OPCML: variants seen among roughly 807,000 people sequenced by gnomAD.
OPCML encodes opioid binding protein/cell adhesion molecule like.
A neutral mutation model predicts 37.8 loss-of-function variants in OPCML; 13 were observed. The ratio of observed to expected loss-of-function variants is 0.34; its 90% CI spans 0.22 to 0.55. The LOEUF (loss-of-function observed/expected upper bound fraction) is 0.55, where lower values mean the gene tolerates loss of function less well. OPCML is among the 20% of genes least tolerant of loss of function. The pLI is 0.91. For missense variants in OPCML, 341 were observed against 435.6 expected, an observed-to-expected ratio of 0.78 and a Z score of 1.93; for synonymous variants, 176 against 168.8, an observed-to-expected ratio of 1.04 and a Z score of -0.33.
chr11:132,996,835 A>G (rs1946897674), intron 1 of OPCML, among the ~76,000 whole-genome samples: 2 of 152,158 alleles, frequency 1.3e-5, no homozygotes. Context: ...GATGTCTATT[A>G]TTTTAAACAT....
chr11:133,416,362 T>C (rs1565622754), intron 1 of OPCML, among the ~76,000 whole-genome samples: 1 of 152,190 alleles, frequency 6.6e-6, no homozygotes, highest in East Asian at 1.9e-4. Context: ...CTGTATAACT[T>C]CCCTTTTCTC....
intron 4 of OPCML, among the ~76,000 whole-genome samples, chr11:132,465,757 C>A (rs976382590): frequency 7.9e-5 from 12 of 152,114 alleles, no homozygotes; most frequent in African/African-American, 2.9e-4. Context: ...AAGTTATTCC[C>A]AAACTCACAC....
intron 1 of OPCML, among the ~76,000 whole-genome samples, chr11:133,294,815 C>CTTT (rs59382534): frequency 2.6e-3 from 149 of 56,518 alleles, no homozygotes; most frequent in African/African-American, 4.2e-3. Flanking sequence ...TTCTTTCTTT[C>CTTT]TTTTTTTTTT....
chr11:132,943,223 G>A lies in OPCML; in HGVS notation c.62-213C>T. ...AGAGTTCGCCAGGAGCAGGGGGAAG[G>A]AGAAGAGAGGAGTCCGGGCTCTCCG... On this transcript the variant is annotated intron_variant, in intron 1 of 7. Coordinates refer to ENST00000524381, the MANE Select transcript of OPCML (RefSeq NM_001012393.5). The surrounding 1 kb of genome is among the most constrained non-coding windows in gnomAD (Gnocchi z 4.3). 3.0e-6 allele frequency: 4 copies of A among 1,325,644 alleles called. No individual in the cohort carries two copies. The highest frequency in any genetic ancestry group is 4.2e-6 in the Non-Finnish European group (4 of 963,214). 82.1% of individuals were successfully genotyped at this position (1,325,644 alleles called of 1,614,324 possible).
chr11:132,886,438 A>G (rs950806542), intron 2 of OPCML, among the ~76,000 whole-genome samples: 1 of 152,124 alleles, frequency 6.6e-6, no homozygotes, highest in Non-Finnish European at 1.5e-5. Flanking sequence ...AGTGTGCACA[A>G]TGGCTTCTTC....
intron 4 of OPCML, among the ~76,000 whole-genome samples, chr11:132,481,222 A>G (rs1249749069): frequency 6.6e-6 from 1 of 152,188 alleles, no homozygotes. Flanking sequence ...AAAGGGATGG[A>G]GGAAGATCTA....
intron 1 of OPCML, among the ~76,000 whole-genome samples, chr11:133,495,822 T>A (rs1947773989): frequency 6.6e-6 from 1 of 152,200 alleles, no homozygotes; most frequent in Admixed American, 6.5e-5. Flanking sequence ...ATGTATAGAT[T>A]GTGAAGATTT....
intron 1 of OPCML, among the ~76,000 whole-genome samples, chr11:133,377,061 G>A (rs1278912491): frequency 3.3e-5 from 5 of 152,120 alleles, no homozygotes; most frequent in South Asian, 2.1e-4. Context: ...GTAGTGTTTC[G>A]ACGTCCAGCA....
intron 3 of OPCML, among the ~76,000 whole-genome samples, chr11:132,595,558 C>T (rs1255019552): frequency 6.6e-6 from 1 of 152,174 alleles, no homozygotes; most frequent in Non-Finnish European, 1.5e-5. Flanking sequence ...TGTAGACAAT[C>T]AACTACTGCA....
In OPCML at chr11:133,174,629, G is replaced by A. The variant is rs1950340092; in HGVS notation, c.62-231619C>T. ...TGTGTTGAAAAAATGCTCATGGAAT[G>A]CTGTTTAGTGAAAAAAAAAAAAAAA... On this transcript the variant is annotated intron_variant, in intron 1 of 7. Transcript: ENST00000524381. The surrounding 1 kb of genome is among the most constrained non-coding windows in gnomAD (Gnocchi z 4.6). Among the ~76,000 whole-genome samples, 1 of 124,356 alleles carries A rather than the reference G, an allele frequency of 8.0e-6. No homozygotes were observed. The allele number at this position is 124,356 out of a possible 152,430, so 81.6% of individuals were successfully genotyped here.
intron 4 of OPCML, among the ~76,000 whole-genome samples, chr11:132,486,781 C>T (rs2096201238): frequency 6.6e-6 from 1 of 151,892 alleles, no homozygotes; most frequent in Admixed American, 6.6e-5. Context: ...GGATGGCTAG[C>T]CTAAAGTCAG....
At chr11:132,659,922 C>T (rs1941884601) in intron 2 of OPCML, among the ~76,000 whole-genome samples, 1 of 152,044 alleles carries the variant, frequency 6.6e-6, no homozygotes, top group Non-Finnish European at 1.5e-5. Context: ...TTATTGATCA[C>T]CTACCATATT....
chr11:133,453,802 G>A (rs1946624627), intron 1 of OPCML, among the ~76,000 whole-genome samples: 1 of 152,210 alleles, frequency 6.6e-6, no homozygotes, highest in Admixed American at 6.6e-5. Flanking sequence ...ACATGGGGAT[G>A]TATCTTACAG....
chr11:133,356,530 A>AAGAG (rs1254021295), intron 1 of OPCML, among the ~76,000 whole-genome samples: 1 of 152,170 alleles, frequency 6.6e-6, no homozygotes, highest in African/African-American at 2.4e-5. Flanking sequence ...TGGACAGAGG[A>AAGAG]TCCCATCAGC....
intron 1 of OPCML, among the ~76,000 whole-genome samples, chr11:133,386,389 A>G (rs1188313328): frequency 6.6e-6 from 1 of 152,234 alleles, no homozygotes; most frequent in East Asian, 1.9e-4. Flanking sequence ...GGCGCATTTA[A>G]TAGCCTAGTG....
intron 3 of OPCML, among the ~76,000 whole-genome samples, chr11:132,622,460 G>A (rs1204936331): frequency 6.6e-6 from 1 of 152,232 alleles, no homozygotes; most frequent in Non-Finnish European, 1.5e-5. Flanking sequence ...TTAAAAGGAA[G>A]AGGTGAAATG....
At chr11:133,084,019 TCTCC>T (rs757591465) in intron 1 of OPCML, among the ~76,000 whole-genome samples, 6 of 152,208 alleles carry the variant, frequency 3.9e-5, no homozygotes, top group Admixed American at 6.5e-5. Flanking sequence ...TCCCGCCTCG[TCTCC>T]CTAACTAGAT....
Position 132,635,258 on chromosome 11 carries a change from C to T in OPCML, c.379+21829G>A, listed in dbSNP as rs559314075. Among the ~76,000 whole-genome samples, 6 of 151,990 alleles carry T rather than the reference C, an allele frequency of 3.9e-5. No homozygotes were observed. In the East Asian group the frequency reaches 1.2e-3, roughly 29 times the overall value. ...CTTACTTTTAAAATATAATACAATC[C>T]CCCCCATTGCAAAATAAAAATTGGT... On this transcript the variant is annotated intron_variant, in intron 3 of 7. Coordinates refer to ENST00000524381, the MANE Select transcript of OPCML (RefSeq NM_001012393.5).
rs1214188125 is a variant in OPCML, at chr11:132,418,692, G to A, written c.*1501C>T. 1 of 152,422 alleles carries A rather than the reference G, an allele frequency of 6.6e-6. No homozygotes were observed. Among genetic ancestry groups the A allele is most frequent in the Non-Finnish European group, 1.5e-5 (1 of 68,042 alleles). The allele number at this position is 152,422 out of a possible 1,614,324, so 9.4% of individuals were successfully genotyped here. ...TTTTCAAACAGATTAAACCAGAACT[G>A]GAGCAGAAAGGAGACTCTAGCTGAA... On this transcript the variant is annotated 3_prime_UTR_variant, in exon 8 of 8. Transcript: ENST00000524381.
Sources: allele counts gnomAD v4.1 joint callset (sites outside exome capture counted in the v4.1 genomes callset), GRCh38; gene constraint gnomAD v4.1.1; non-coding constraint Gnocchi (gnomAD v3.1); transcripts MANE v1.5; gene names NCBI Gene and HGNC (gene_info 2026-07-23, HGNC 2026-07-21).